NIN: variants seen among roughly 807,000 people sequenced by gnomAD.
NIN encodes ninein, also known as glycogen synthase kinase 3 beta-interacting protein.
In NIN, 137 loss-of-function variants were observed where a neutral mutation model predicts 257.6. The observed-to-expected ratio is 0.53, with a 90% CI of 0.46 to 0.61. The LOEUF (loss-of-function observed/expected upper bound fraction) is 0.61, where lower values mean the gene tolerates loss of function less well. Among genes scored for constraint, NIN ranks in the 20% least tolerant of loss-of-function variants. NIN has a pLI of 0.00. For missense variants in NIN, 2,439 were observed against 2,501.2 expected (o/e 0.98, Z 0.53); for synonymous variants, 918 against 919.8 (o/e 1.00, Z 0.04).
chr14:50,786,054 G>A (rs975711533), intron 5 of NIN, among the ~76,000 whole-genome samples: 6 of 152,202 alleles, frequency 3.9e-5, no homozygotes, highest in African/African-American at 1.4e-4. Context: ...ACATTTAGAT[G>A]AGACCTGCTA....
chr14:50,729,500 C>G (rs1476867823), intron 29 of NIN, 23 bp downstream of exon 29: 7 of 1,601,528 alleles, frequency 4.4e-6, no homozygotes, highest in Non-Finnish European at 6.0e-6. Flanking sequence ...AGGTGATCTA[C>G]TAGAGTAGAG....
At chr14:50,730,854 A>G in intron 28 of NIN, 1 of 1,216,112 alleles carries the variant, frequency 8.2e-7, no homozygotes, top group East Asian at 5.3e-5. Context: ...ATCAACAGAA[A>G]TAACATGAGC....
At chr14:50,747,955 T>G (rs764213766) in intron 22 of NIN, 37 bp downstream of exon 22, 17 of 1,369,898 alleles carry the variant, frequency 1.2e-5, no homozygotes, top group Non-Finnish European at 1.7e-5. Context: ...AGGTACATAT[T>G]GTTCTGTGAA....
At chr14:50,809,166 A>C (rs891823656) in intron 3 of NIN, among the ~76,000 whole-genome samples, 4 of 152,186 alleles carry the variant, frequency 2.6e-5, no homozygotes, top group African/African-American at 9.7e-5. Context: ...GGTTGCAGTG[A>C]GCTGAGGTCA....
At chr14:50,744,470 C>T in intron 22 of NIN, 105 bp from the exon 23 acceptor site, 1 of 1,208,142 alleles carries the variant, frequency 8.3e-7, no homozygotes, top group Non-Finnish European at 1.2e-6. Context: ...ATTTGCCTAT[C>T]TGTGGATATT....
intron 28 of NIN, among the ~76,000 whole-genome samples, chr14:50,732,448 T>C (rs1368409898): frequency 6.6e-6 from 1 of 152,174 alleles, no homozygotes; most frequent in Non-Finnish European, 1.5e-5. Flanking sequence ...ATCCAATTTG[T>C]AGCGCTGGAG....
intron 15 of NIN, 115 bp downstream of exon 15, chr14:50,763,710 AT>A: frequency 2.3e-6 from 2 of 864,734 alleles, no homozygotes; most frequent in Non-Finnish European, 3.4e-6. Flanking sequence ...GTATGGCCAA[AT>A]TCTTTTTTTT....
Position 50,719,811 on chromosome 14 carries a change from A to C in NIN, c.*3652T>G, listed in dbSNP as rs1331372152. ...TAAAAGGTCAGGGTATATAGAAAAC[A>C]AAAGGCATGTTTGCAAAATTATTTA... On this transcript the variant is annotated 3_prime_UTR_variant, in exon 31 of 31. Transcript: ENST00000530997. 1 of 192,390 alleles carries C rather than the reference A, an allele frequency of 5.2e-6. No individual in the cohort carries two copies. Among genetic ancestry groups the C allele is most frequent in the Non-Finnish European group, 1.1e-5 (1 of 91,862 alleles). The allele number at this position is 192,390 out of a possible 1,614,324, so 11.9% of individuals were successfully genotyped here. A position where few individuals can be genotyped will look rare whatever the true frequency, so the allele number is the denominator to read the frequency against.
chr14:50,800,250 T>C (rs1009734287), intron 4 of NIN, among the ~76,000 whole-genome samples: 1 of 152,336 alleles, frequency 6.6e-6, no homozygotes, highest in Non-Finnish European at 1.5e-5. Context: ...GATTTGCCTA[T>C]GAATACACTG....
At position 50,804,312 on chromosome 14, in the gene NIN, G is replaced by A. The variant is rs7160362; in HGVS notation, c.265+2425C>T. On this transcript the variant is annotated intron_variant, in intron 4 of 30. Transcript: ENST00000530997. ...GGCAAAAGACAGAAAAAGCAGAGAT[G>A]CTCAGGAACAAAGCAGGGAATGTGG... Among the ~76,000 whole-genome samples, 573 of 152,280 alleles carry A rather than the reference G, an allele frequency of 3.8e-3. 3 individuals carry two copies. The highest frequency in any genetic ancestry group is 0.013 in the African/African-American group (542 of 41,516).
rs867799032 is a variant in NIN at position 50,794,694 on chromosome 14, C to G, written c.266-1813G>C. On this transcript the variant is annotated intron_variant, in intron 4 of 30. Coordinates refer to ENST00000530997, the MANE Select transcript of NIN (RefSeq NM_020921.4). Reference sequence around the variant, plus strand: ...CCACAGTATTTTCCCAGTATAAGAACAAAGTTGTGTCCTGGGGATGGAAGT... The same window carrying G: ...CCACAGTATTTTCCCAGTATAAGAAGAAAGTTGTGTCCTGGGGATGGAAGT... Among the ~76,000 whole-genome samples, 4 of 144,296 alleles carry G rather than the reference C, an allele frequency of 2.8e-5. No homozygotes were observed. In the South Asian group the frequency reaches 8.8e-4, roughly 32 times the overall value. 94.7% of individuals were successfully genotyped at this position (144,296 alleles called of 152,430 possible).
intron 17 of NIN, among the ~76,000 whole-genome samples, chr14:50,758,905 G>C (rs747897813): frequency 2.0e-5 from 3 of 152,180 alleles, no homozygotes; most frequent in Non-Finnish European, 4.4e-5. Flanking sequence ...ACTCCCGGAT[G>C]TATTTGTTTA....
At chr14:50,796,627 C>T (rs1490551543) in intron 4 of NIN, among the ~76,000 whole-genome samples, 1 of 152,156 alleles carries the variant, frequency 6.6e-6, no homozygotes, top group East Asian at 1.9e-4. Flanking sequence ...TGATGCTTGA[C>T]CAGAGGTCTT....
intron 21 of NIN, among the ~76,000 whole-genome samples, chr14:50,750,001 T>G (rs531287523): frequency 6.6e-6 from 1 of 152,202 alleles, no homozygotes; most frequent in South Asian, 2.1e-4. Flanking sequence ...CTGGTATTTA[T>G]TGTAGTCTAT....
intron 5 of NIN, among the ~76,000 whole-genome samples, chr14:50,783,975 G>A (rs991492960): frequency 2.0e-5 from 3 of 152,182 alleles, no homozygotes; most frequent in Non-Finnish European, 1.5e-5. Context: ...GAGGAACAAT[G>A]GCTGAGATGT....
intron 5 of NIN, among the ~76,000 whole-genome samples, chr14:50,786,006 G>A (rs1222148503): frequency 6.6e-6 from 1 of 152,172 alleles, no homozygotes; most frequent in Non-Finnish European, 1.5e-5. Flanking sequence ...AGTGCATGCG[G>A]GGGATGACAG....
intron 6 of NIN, 94 bp from the exon 7 acceptor site, chr14:50,777,233 CT>C: frequency 9.8e-7 from 1 of 1,023,954 alleles, no homozygotes; most frequent in East Asian, 2.5e-5. Flanking sequence ...AAAATAAATA[CT>C]GTAAGAAAAA....
chr14:50,743,122 C>T, intron 24 of NIN, among the ~76,000 whole-genome samples: 1 of 151,466 alleles, frequency 6.6e-6, no homozygotes, highest in Non-Finnish European at 1.5e-5. Context: ...CCTGCCACGA[C>T]ACCAGGCTTT....
rs1353062266 is a variant in NIN, at chr14:50,720,903, A to G, written c.*2560T>C. 5.1e-6 allele frequency: 1 copy of G among 197,096 alleles called. No individual in the cohort carries two copies. Among genetic ancestry groups the G allele is most frequent in the African/African-American group, 2.3e-5 (1 of 43,388 alleles). 12.2% of individuals were successfully genotyped at this position (197,096 alleles called of 1,614,324 possible). ...TCTTAAATAATTGTTCTTAAATCAA[A>G]AAGTTTGAAAATCAGTGCTTTTAAT... On this transcript the variant is annotated 3_prime_UTR_variant, in exon 31 of 31. Transcript: ENST00000530997.
Sources: allele counts gnomAD v4.1 joint callset (sites outside exome capture counted in the v4.1 genomes callset), GRCh38; gene constraint gnomAD v4.1.1; transcripts MANE v1.5; gene names NCBI Gene and HGNC (gene_info 2026-07-23, HGNC 2026-07-21).